The following ETF1 variants were observed in gnomAD, a reference collection of about 807,000 sequenced individuals.
ETF1 encodes eukaryotic peptide chain release factor subunit 1.
ETF1 carries 4 observed loss-of-function variants against 55.1 expected under a neutral mutation model. The observed-to-expected ratio is 0.07, with a 90% CI of 0.04 to 0.17. The LOEUF (loss-of-function observed/expected upper bound fraction) is 0.17, where lower values mean the gene tolerates loss of function less well. ETF1 is among the 10% of genes least tolerant of loss of function. ETF1 has a pLI of 1.00. For missense variants in ETF1, 142 were observed against 523.6 expected (o/e 0.27, Z 7.11); for synonymous variants, 157 against 182.3 (o/e 0.86, Z 1.12).
rs899356954 is a variant in ETF1 at position 138,542,753 on chromosome 5, C to A, written c.86+80G>T. 21 of 1,570,602 alleles carry A rather than the reference C, an allele frequency of 1.3e-5. No individual in the cohort carries two copies. The Admixed American group carries it at 3.9e-4, about 29-fold the overall frequency. ...TGGCTAGTGCCTGGTTCTCCTCATC[C>A]GGCCATGCGGCGCGGGGGCGTCCAT... On this transcript the variant is annotated intron_variant, in intron 2 of 10. Transcript: ENST00000360541.
chr5:138,514,232 C>T (rs1019705181), intron 4 of ETF1, among the ~76,000 whole-genome samples: 8 of 152,114 alleles, frequency 5.3e-5, no homozygotes, highest in African/African-American at 1.9e-4. Flanking sequence ...GGAATTATTG[C>T]TCAATGGATA....
intron 2 of ETF1, among the ~76,000 whole-genome samples, chr5:138,539,751 T>A (rs1766096899): frequency 6.6e-6 from 1 of 152,218 alleles, no homozygotes. Context: ...TCTACACACG[T>A]GTAACATAAA....
chr5:138,512,225 A>AATATAT (rs71867448), intron 6 of ETF1, among the ~76,000 whole-genome samples: 6 of 44,128 alleles, frequency 1.4e-4, no homozygotes, highest in African/African-American at 6.5e-4. Context: ...AAAAAAAAAA[A>AATATAT]ATATATATAT....
rs35332557 is a variant in ETF1 at position 138,541,765 on chromosome 5, T to TGG, written c.86+1066_86+1067dup. 1.9e-3 allele frequency: 310 copies of TGG among 159,594 alleles called. 1 individual carries two copies. The highest frequency in any genetic ancestry group is 4.9e-3 in the African/African-American group (191 of 38,826). The allele number at this position is 159,594 out of a possible 1,614,324, so 9.9% of individuals were successfully genotyped here. A position where few individuals can be genotyped will look rare whatever the true frequency, so the allele number is the denominator to read the frequency against. ...TAATAATGTTCCAAACACTTTTTTTTGGGGGGGGGGGCACTTCCTGTAAGT... is the reference window on the plus strand; with the variant it reads ...TAATAATGTTCCAAACACTTTTTTTTGGGGGGGGGGGGGCACTTCCTGTAAGT... On this transcript the variant is annotated intron_variant, in intron 2 of 10. Transcript: ENST00000360541.
At chr5:138,516,163 C>T (rs945894446) in intron 4 of ETF1, among the ~76,000 whole-genome samples, 3 of 152,006 alleles carry the variant, frequency 2.0e-5, no homozygotes, top group Non-Finnish European at 4.4e-5. Context: ...TGAGTTCTTA[C>T]AGTTCTGCTA....
In ETF1 at chr5:138,506,816, G is replaced by A. The variant is rs1039267481; in HGVS notation, c.*1489C>T. 4 of 152,604 alleles carry A rather than the reference G, an allele frequency of 2.6e-5. No homozygotes were observed. Among genetic ancestry groups the A allele is most frequent in the African/African-American group, 7.2e-5 (3 of 41,432 alleles). 9.5% of individuals were successfully genotyped at this position (152,604 alleles called of 1,614,324 possible). A position where few individuals can be genotyped will look rare whatever the true frequency, so the allele number is the denominator to read the frequency against. On this transcript the variant is annotated 3_prime_UTR_variant, in exon 11 of 11. Transcript: ENST00000360541. Reference sequence around the variant, plus strand: ...AGCTGGTTCAGACCAATAAAGCTACGAGTGACTGAATCAAGTCAGTAAAGA... The same window carrying A: ...AGCTGGTTCAGACCAATAAAGCTACAAGTGACTGAATCAAGTCAGTAAAGA...
chr5:138,542,583 C>A, intron 2 of ETF1: 3 of 1,378,492 alleles, frequency 2.2e-6, no homozygotes, highest in Non-Finnish European at 2.8e-6. Context: ...TAGCGGTGGC[C>A]TACCACGAGG....
intron 4 of ETF1, among the ~76,000 whole-genome samples, chr5:138,514,390 C>CA (rs1294116736): frequency 6.6e-6 from 1 of 151,982 alleles, no homozygotes; most frequent in East Asian, 1.9e-4. Context: ...ACTGTCTCTA[C>CA]AAAAAAATAC....
chr5:138,517,139 G>A (rs1011464105), intron 4 of ETF1, among the ~76,000 whole-genome samples: 4 of 152,130 alleles, frequency 2.6e-5, no homozygotes, highest in Non-Finnish European at 5.9e-5. Context: ...GGGAGGCTAA[G>A]GTGGGTGGAT....
At chr5:138,519,894 G>C (rs946064861) in intron 2 of ETF1, among the ~76,000 whole-genome samples, 1 of 151,170 alleles carries the variant, frequency 6.6e-6, no homozygotes, top group Non-Finnish European at 1.5e-5. Flanking sequence ...GTGAGATGTT[G>C]TCTCATTGCG....
At chr5:138,531,361 A>G (rs1192121525) in intron 2 of ETF1, among the ~76,000 whole-genome samples, 3 of 152,176 alleles carry the variant, frequency 2.0e-5, no homozygotes, top group African/African-American at 7.2e-5. Context: ...CCTTACCAGA[A>G]CACCAATCTG....
Position 138,513,927 on chromosome 5 carries a change from A to C in ETF1, c.403-221T>G, listed in dbSNP as rs545412860. The stretch of plus-strand genomic sequence containing the variant: ...GAAATAACGAATGATATCTATGTGA[A>C]GCTTTTCAACACATTTGACATGGGC... On this transcript the variant is annotated intron_variant, in intron 4 of 10. Coordinates refer to ENST00000360541, the MANE Select transcript of ETF1 (RefSeq NM_004730.4). The C allele has an allele frequency of 2.3e-4, 210 of 900,172 alleles. No homozygotes were observed. The South Asian group carries it at 9.5e-3, about 41-fold the overall frequency. 55.8% of individuals were successfully genotyped at this position (900,172 alleles called of 1,614,324 possible). A position where few individuals can be genotyped will look rare whatever the true frequency, so the allele number is the denominator to read the frequency against.
At chr5:138,514,991 G>T (rs1262119530) in intron 4 of ETF1, among the ~76,000 whole-genome samples, 1 of 152,160 alleles carries the variant, frequency 6.6e-6, no homozygotes, top group Non-Finnish European at 1.5e-5. Context: ...CTCCCAAAGT[G>T]CTGGGATTAC....
intron 2 of ETF1, among the ~76,000 whole-genome samples, chr5:138,529,168 A>T (rs957263638): frequency 5.3e-5 from 8 of 151,250 alleles, no homozygotes; most frequent in Non-Finnish European, 8.9e-5. Context: ...AAAACCAAAC[A>T]AACAAACAAA....
At chr5:138,518,640 T>C in intron 3 of ETF1, 52 bp downstream of exon 3, 4 of 1,526,166 alleles carry the variant, frequency 2.6e-6, no homozygotes, top group Non-Finnish European at 3.6e-6. Context: ...CATCACAGTA[T>C]AAAACATAAC....
chr5:138,530,963 A>T lies in ETF1; in HGVS notation c.86+11870T>A, dbSNP rs531300861. Among the ~76,000 whole-genome samples, 31 of 152,304 alleles carry T rather than the reference A, an allele frequency of 2.0e-4. No homozygotes were observed. The South Asian group carries it at 3.1e-3, about 15-fold the overall frequency. On this transcript the variant is annotated intron_variant, in intron 2 of 10. Coordinates refer to ENST00000360541, the MANE Select transcript of ETF1 (RefSeq NM_004730.4). ...ATCTCTAGGTCTGCTGAAGGTAACA[A>T]GCCTCCACAACCTCACCTCCACCCA... is the stretch of plus-strand genomic sequence containing the variant.
chr5:138,522,931 G>A (rs1385934058), intron 2 of ETF1, among the ~76,000 whole-genome samples: 2 of 152,032 alleles, frequency 1.3e-5, no homozygotes, highest in African/African-American at 4.8e-5. Flanking sequence ...GTGTGAACCC[G>A]GGAGGCAGAG....
intron 2 of ETF1, among the ~76,000 whole-genome samples, chr5:138,536,115 G>A (rs1765919039): frequency 6.6e-6 from 1 of 152,174 alleles, no homozygotes; most frequent in Non-Finnish European, 1.5e-5. Context: ...AATAGTAAAA[G>A]TGCATTTCTG....
At position 138,523,852 on chromosome 5, in the gene ETF1, C is replaced by T. The variant is rs1437249753; in HGVS notation, c.87-4985G>A. Among the ~76,000 whole-genome samples, 5 of 151,896 alleles carry T rather than the reference C, an allele frequency of 3.3e-5. No homozygotes were observed. The East Asian group carries it at 9.7e-4, about 29-fold the overall frequency. The stretch of plus-strand genomic sequence containing the variant: ...GAGGCTTGAGGCAGAACTGCTTGCG[C>T]CTAGGAGTTTTGAGACCAGCCTGTG... On this transcript the variant is annotated intron_variant, in intron 2 of 10. Transcript: ENST00000360541.
Sources: gnomAD v4.1 joint callset for allele counts (sites outside exome capture counted in the v4.1 genomes callset) on GRCh38, gnomAD v4.1.1 for gene constraint, MANE v1.5 for transcripts, NCBI Gene and HGNC (gene_info 2026-07-23, HGNC 2026-07-21) for gene names.